ADAMTSL1: variants seen among roughly 807,000 people sequenced by gnomAD.
ADAMTSL1 encodes ADAMTS-like protein 1.
Under a neutral mutation model 201.8 loss-of-function variants are expected in ADAMTSL1, and 126 were observed. The observed-to-expected ratio is 0.62, with a 90% confidence interval of 0.54 to 0.72. ADAMTSL1 has a LOEUF of 0.72. Among genes scored for constraint, ADAMTSL1 ranks in the 30% least tolerant of loss-of-function variants. The probability of loss-of-function intolerance (pLI) is 0.00; values close to 1 mark genes in which losing one functional copy is unlikely to be tolerated. For missense variants in ADAMTSL1, 2,679 were observed against 2,277.8 expected (o/e 1.18, Z -3.59); for synonymous variants, 1,121 against 903.4 (o/e 1.24, Z -4.32).
chr9:18,168,209 A>G (rs1444998113), intron 2 of ADAMTSL1, among the ~76,000 whole-genome samples: 1 of 151,906 alleles, frequency 6.6e-6, no homozygotes, highest in African/African-American at 2.4e-5. Flanking sequence ...GGTGTGCTGC[A>G]CCCATTAACT....
chr9:18,403,900 T>C (rs1037841310), intron 2 of ADAMTSL1, among the ~76,000 whole-genome samples: 2 of 152,168 alleles, frequency 1.3e-5, no homozygotes, highest in Non-Finnish European at 2.9e-5. Context: ...CTGTTGTTTT[T>C]GGTTGGGGGA....
At chr9:18,317,404 A>G (rs1239513569) in intron 2 of ADAMTSL1, among the ~76,000 whole-genome samples, 2 of 151,618 alleles carry the variant, frequency 1.3e-5, no homozygotes, top group Non-Finnish European at 2.9e-5. Context: ...ACACACACAC[A>G]CACACACACA....
intron 2 of ADAMTSL1, among the ~76,000 whole-genome samples, chr9:18,311,405 G>T (rs1224786940): frequency 6.6e-6 from 1 of 152,034 alleles, no homozygotes; most frequent in African/African-American, 2.4e-5. Flanking sequence ...GTCATCTCCT[G>T]CTGAAGCTAG....
At chr9:17,975,628 A>G (rs1409929187) in intron 1 of ADAMTSL1, among the ~76,000 whole-genome samples, 3 of 151,992 alleles carry the variant, frequency 2.0e-5, no homozygotes, top group Non-Finnish European at 4.4e-5. Flanking sequence ...CTTATCACAG[A>G]TATGGTTTGC....
chr9:18,706,896 A>T lies in ADAMTSL1; in HGVS notation c.1724A>T (p.Gln575Leu), dbSNP rs1428622782. The change falls in exon 14 of 29, where the codon CAG becomes CTG. Residue 575 changes from glutamine to leucine, a missense_variant. Transcript: ENST00000380548. ...TGTGAAGGGCCCAAGCCAGCATCCC[A>T]GCGTGCCTGTTATGCAGGCCCATGC... ...DECEGPKPAS[Q>L]RACYAGPCSG... is the part of the protein sequence containing the mutation. 1 of 1,613,854 alleles carries T rather than the reference A, an allele frequency of 6.2e-7. No homozygotes were observed. The highest frequency in any genetic ancestry group is 1.3e-5 in the African/African-American group (1 of 74,934).
At chr9:18,570,256 A>G (rs1041461885) in intron 3 of ADAMTSL1, among the ~76,000 whole-genome samples, 1 of 152,002 alleles carries the variant, frequency 6.6e-6, no homozygotes, top group Non-Finnish European at 1.5e-5. Context: ...AAAACCCACA[A>G]AAGGATCAGG....
At chr9:18,400,985 T>A (rs931739826) in intron 2 of ADAMTSL1, among the ~76,000 whole-genome samples, 1 of 152,172 alleles carries the variant, frequency 6.6e-6, no homozygotes. Context: ...TAAATTTTCC[T>A]TAGCTGGATA....
At chr9:18,890,500 C>CCTAT (rs1000676564) in intron 25 of ADAMTSL1, 8 of 455,830 alleles carry the variant, frequency 1.8e-5, no homozygotes, top group African/African-American at 8.0e-5. Context: ...CCCTTTACTA[C>CCTAT]CTATCTGTAG....
intron 2 of ADAMTSL1, among the ~76,000 whole-genome samples, chr9:18,409,840 C>T (rs1307549637): frequency 6.7e-6 from 1 of 149,282 alleles, no homozygotes; most frequent in East Asian, 2.0e-4. Flanking sequence ...ATATATGTAC[C>T]TATACTATAT....
At chr9:18,591,169 T>A (rs953939153) in intron 4 of ADAMTSL1, among the ~76,000 whole-genome samples, 1 of 152,218 alleles carries the variant, frequency 6.6e-6, no homozygotes, top group Non-Finnish European at 1.5e-5. Flanking sequence ...CTTTTAGATC[T>A]GTTAAAATTT....
intron 23 of ADAMTSL1, among the ~76,000 whole-genome samples, chr9:18,887,478 T>C (rs1470731992): frequency 6.6e-6 from 1 of 152,190 alleles, no homozygotes; most frequent in East Asian, 1.9e-4. Flanking sequence ...GAAGAAGGAA[T>C]TTCTGTCAGA....
intron 15 of ADAMTSL1, among the ~76,000 whole-genome samples, chr9:18,729,400 C>T (rs1818082249): frequency 6.6e-6 from 1 of 152,180 alleles, no homozygotes; most frequent in South Asian, 2.1e-4. Flanking sequence ...CTGGCTTTAA[C>T]TATAAAGAGC....
intron 23 of ADAMTSL1, among the ~76,000 whole-genome samples, chr9:18,876,331 C>CGTGT (rs61597921): frequency 1.8e-4 from 24 of 133,478 alleles, no homozygotes; most frequent in Admixed American, 8.3e-4. Flanking sequence ...TGTGTGTGTG[C>CGTGT]GTGATTGTTT....
intron 14 of ADAMTSL1, chr9:18,718,012 A>C: frequency 1.3e-6 from 2 of 1,594,130 alleles, no homozygotes; most frequent in Non-Finnish European, 1.7e-6. Context: ...GAGCCTTCCC[A>C]GGCACTGGAG....
At chr9:18,209,762 T>C (rs1479134943) in intron 2 of ADAMTSL1, among the ~76,000 whole-genome samples, 1 of 152,196 alleles carries the variant, frequency 6.6e-6, no homozygotes, top group African/African-American at 2.4e-5. Flanking sequence ...TATTTCCTCT[T>C]TGTTCTGTTT....
intron 2 of ADAMTSL1, among the ~76,000 whole-genome samples, chr9:18,359,395 T>C (rs1836400939): frequency 1.3e-5 from 2 of 152,166 alleles, no homozygotes; most frequent in Non-Finnish European, 2.9e-5. Context: ...ATTAAATCTT[T>C]CACCAGGGAC....
intron 2 of ADAMTSL1, among the ~76,000 whole-genome samples, chr9:18,526,625 G>T (rs1042314803): frequency 2.6e-5 from 4 of 152,152 alleles, no homozygotes; most frequent in Non-Finnish European, 5.9e-5. Flanking sequence ...CTCTTTTAGG[G>T]CAGGCCTTGT....
rs576740414 is a variant in ADAMTSL1, at chr9:18,037,601, G to T, written c.88-126261G>T. ...TATATATAGGAGATAGTAATTAAAT[G>T]CTTCCTTTTAGAGTTCTAAAGATGT... On this transcript the variant is annotated intron_variant, in intron 1 of 29. Transcript: ENST00000680146. 2.0e-5 allele frequency among the ~76,000 whole-genome samples: 3 copies of T among 152,248 alleles called. No homozygotes were observed. The South Asian group carries it at 6.2e-4, about 32-fold the overall frequency.
At chr9:18,112,053 T>G (rs939255330) in intron 1 of ADAMTSL1, among the ~76,000 whole-genome samples, 1 of 152,172 alleles carries the variant, frequency 6.6e-6, no homozygotes, top group Non-Finnish European at 1.5e-5. Context: ...TGCAGGTATT[T>G]ATTTCACCAC....
Sources: allele counts gnomAD v4.1 joint callset (sites outside exome capture counted in the v4.1 genomes callset), GRCh38; gene constraint gnomAD v4.1.1; transcripts MANE v1.5; gene names NCBI Gene and HGNC (gene_info 2026-07-23, HGNC 2026-07-21).